The following KLRD1 variants were observed in gnomAD, a reference collection of about 807,000 sequenced individuals.
The protein encoded by KLRD1 is killer cell lectin like receptor D1.
Under a neutral mutation model 22.6 loss-of-function variants are expected in KLRD1, and 21 were observed. That is an observed-to-expected ratio of 0.93 (90% CI 0.66 to 1.34). The LOEUF is 1.34. Among genes scored for constraint, KLRD1 ranks in the 40% most tolerant of loss-of-function variants. KLRD1 has a pLI of 0.00. For missense variants in KLRD1, 183 were observed against 208.6 expected (o/e 0.88, Z 0.76); for synonymous variants, 59 against 71.1 (o/e 0.83, Z 0.85).
chr12:10,252,962 A>G (rs1592027089), intron 1 of KLRD1, among the ~76,000 whole-genome samples: 1 of 151,952 alleles, frequency 6.6e-6, no homozygotes, highest in East Asian at 1.9e-4. Flanking sequence ...TGTAAAAAAA[A>G]AAAAAAAAAA....
intron 3 of KLRD1, 152 bp downstream of exon 3, chr12:10,309,840 TA>T: frequency 1.6e-6 from 1 of 617,394 alleles, no homozygotes; most frequent in South Asian, 2.1e-5. Context: ...TTGCTCAATC[TA>T]ATGTAAAAAT....
intron 1 of KLRD1, among the ~76,000 whole-genome samples, chr12:10,247,968 A>G (rs1327046559): frequency 6.6e-6 from 1 of 152,192 alleles, no homozygotes; most frequent in Non-Finnish European, 1.5e-5. Flanking sequence ...ACGGACTAAT[A>G]CATATTGTTT....
intron 3 of KLRD1, 129 bp from the exon 4 acceptor site, chr12:10,311,335 A>G (rs1950063971): frequency 4.2e-6 from 3 of 706,366 alleles, no homozygotes; most frequent in Non-Finnish European, 6.8e-6. Flanking sequence ...TAGCCCCTGA[A>G]GTGTGGTGTA....
At chr12:10,239,711 A>C (rs56146423) in intron 1 of KLRD1, among the ~76,000 whole-genome samples, 24,631 of 150,688 alleles carry the variant, frequency 0.16, 2,609 homozygotes, top group Non-Finnish European at 0.24. Context: ...GCATGATCTC[A>C]GTTCACTGTA....
chr12:10,251,911 C>T (rs1949349744), intron 1 of KLRD1, among the ~76,000 whole-genome samples: 1 of 152,130 alleles, frequency 6.6e-6, no homozygotes. Flanking sequence ...TTTGCTCACT[C>T]ATTCCCTGTT....
At chr12:10,264,240 T>A (rs1042210623) in intron 1 of KLRD1, among the ~76,000 whole-genome samples, 5 of 152,142 alleles carry the variant, frequency 3.3e-5, no homozygotes, top group African/African-American at 1.2e-4. Context: ...GATTAGCTTA[T>A]TTGATGCAGG....
chr12:10,264,026 G>A (rs995314831), intron 1 of KLRD1, among the ~76,000 whole-genome samples: 2 of 152,052 alleles, frequency 1.3e-5, no homozygotes, highest in African/African-American at 2.4e-5. Flanking sequence ...ATGAACTAAT[G>A]AGAAACCAAA....
chr12:10,240,812 G>T (rs1949234426), intron 1 of KLRD1, among the ~76,000 whole-genome samples: 1 of 152,070 alleles, frequency 6.6e-6, no homozygotes, highest in Non-Finnish European at 1.5e-5. Flanking sequence ...AATTATACAG[G>T]GATTCACTAT....
chr12:10,264,245 T>G (rs982004107), intron 1 of KLRD1, among the ~76,000 whole-genome samples: 4 of 152,134 alleles, frequency 2.6e-5, no homozygotes, highest in Admixed American at 2.6e-4. Flanking sequence ...GCTTATTTGA[T>G]GCAGGGAACT....
intron 1 of KLRD1, among the ~76,000 whole-genome samples, chr12:10,243,451 T>C (rs10845084): frequency 0.18 from 26,982 of 151,136 alleles, 2,817 homozygotes; most frequent in Non-Finnish European, 0.24. Context: ...CCATCTCTAC[T>C]GAAAATACAA....
chr12:10,252,954 TAA>T (rs11460315), intron 1 of KLRD1, among the ~76,000 whole-genome samples: 84,858 of 145,248 alleles, frequency 0.58, 26,766 homozygotes, highest in Admixed American at 0.74. Flanking sequence ...TGGGCAGTTG[TAA>T]AAAAAAAAAA....
chr12:10,251,325 A>C (rs950032245), intron 1 of KLRD1, among the ~76,000 whole-genome samples: 1 of 151,934 alleles, frequency 6.6e-6, no homozygotes, highest in Non-Finnish European at 1.5e-5. Context: ...GGGCTTCACC[A>C]TGTTGTCCAG....
intron 1 of KLRD1, chr12:10,308,303 A>T: frequency 1.9e-6 from 1 of 533,780 alleles, no homozygotes; most frequent in Non-Finnish European, 3.3e-6. Context: ...AGGTTTGAAG[A>T]GTGGTTTCTG....
intron 1 of KLRD1, among the ~76,000 whole-genome samples, chr12:10,262,019 T>G (rs1278269855): frequency 6.6e-6 from 1 of 152,110 alleles, no homozygotes; most frequent in Non-Finnish European, 1.5e-5. Context: ...TGCATTTACT[T>G]CTGTATGCAA....
intron 1 of KLRD1, among the ~76,000 whole-genome samples, chr12:10,288,536 T>G (rs1008686338): frequency 6.6e-5 from 10 of 152,192 alleles, no homozygotes; most frequent in Non-Finnish European, 1.3e-4. Context: ...GACCACTGCT[T>G]GGTTGACTTT....
At chr12:10,294,210 A>G (rs1404915696) in intron 1 of KLRD1, among the ~76,000 whole-genome samples, 1 of 152,176 alleles carries the variant, frequency 6.6e-6, no homozygotes, top group Non-Finnish European at 1.5e-5. Context: ...CTTTTCCCAA[A>G]TACTGTATTT....
upstream of KLRD1, among the ~76,000 whole-genome samples, chr12:10,306,533 A>G (rs1173430910): frequency 6.6e-6 from 1 of 152,172 alleles, no homozygotes; most frequent in East Asian, 1.9e-4. Context: ...CAAGAGAAAA[A>G]CTAAAAGCAA....
chr12:10,314,968 T>G lies in KLRD1; in HGVS notation c.*175T>G. 2 of 497,286 alleles carry G rather than the reference T, an allele frequency of 4.0e-6. No homozygotes were observed. The highest frequency in any genetic ancestry group is 6.8e-6 in the Non-Finnish European group (2 of 292,774). 30.8% of individuals were successfully genotyped at this position (497,286 alleles called of 1,614,324 possible). On this transcript the variant is annotated 3_prime_UTR_variant, in exon 6 of 6. Transcript: ENST00000336164. ...CAATGTGTTTTAAAATTGATGAAAT[T>G]CGTTCACCTACATTTGAGAATTATA...
At chr12:10,287,100 C>T (rs990894916) in intron 1 of KLRD1, among the ~76,000 whole-genome samples, 1 of 152,122 alleles carries the variant, frequency 6.6e-6, no homozygotes, top group Non-Finnish European at 1.5e-5. Context: ...TGTACCACTG[C>T]ACTCCAGCCT....
Sources: gnomAD v4.1 joint callset for allele counts (sites outside exome capture counted in the v4.1 genomes callset) on GRCh38, gnomAD v4.1.1 for gene constraint, MANE v1.5 for transcripts, NCBI Gene and HGNC (gene_info 2026-07-23, HGNC 2026-07-21) for gene names.